Variants in HTR7 observed in about 807,000 individuals in gnomAD.
HTR7 encodes 5-hydroxytryptamine receptor 7.
A neutral mutation model predicts 34.0 loss-of-function variants in HTR7; 16 were observed. The ratio of observed to expected loss-of-function variants is 0.47; its 90% CI spans 0.32 to 0.71. HTR7 has a LOEUF of 0.71. Ranked by LOEUF, HTR7 falls within the 30% of genes least tolerant of loss-of-function variation. The pLI is 0.04. For missense variants in HTR7, 504 were observed against 625.5 expected, an observed-to-expected ratio of 0.81 and a Z score of 2.07; for synonymous variants, 265 against 260.2, an observed-to-expected ratio of 1.02 and a Z score of -0.18.
chr10:90,857,732 G>T lies in HTR7; in HGVS notation c.-61C>A. On this transcript the variant is annotated 5_prime_UTR_variant, in exon 1 of 4. Coordinates refer to ENST00000336152, the MANE Select transcript of HTR7 (RefSeq NM_019859.4). The surrounding 1 kb of genome is among the most constrained non-coding windows in gnomAD (Gnocchi z 6.5). ...CCCCGGCCACGCGCCTCCGGCTGCC[G>T]GCCCCGGGGCTTCACCTCACCGGTT... The T allele has an allele frequency of 3.6e-6, 5 of 1,396,400 alleles. No individual in the cohort carries two copies. In the South Asian group the frequency reaches 4.7e-5, roughly 13 times the overall value. The allele number at this position is 1,396,400 out of a possible 1,614,324, so 86.5% of individuals were successfully genotyped here.
rs561624340 is a variant in HTR7 at position 90,832,166 on chromosome 10, C to T, written c.539+24967G>A. ...GTGGAGCTGTCTGCAAGTCCCACGC[C>T]ATGCGGGTGCACTCCTCAGCCCTTG... On this transcript the variant is annotated intron_variant, in intron 1 of 3. Transcript: ENST00000336152. 3.5e-3 allele frequency among the ~76,000 whole-genome samples: 531 copies of T among 152,350 alleles called. 2 individuals are homozygous for T. The highest frequency in any genetic ancestry group is 5.7e-3 in the Non-Finnish European group (386 of 68,034).
chr10:90,748,484 C>G lies in HTR7; in HGVS notation c.1295+355G>C, dbSNP rs192550387. Reference sequence around the variant, plus strand: ...AGGTTATCAAAAAAGCTTTACTGGACAGAAGAATAATAACAACTAAAATAA... The same window carrying G: ...AGGTTATCAAAAAAGCTTTACTGGAGAGAAGAATAATAACAACTAAAATAA... On this transcript the variant is annotated intron_variant, in intron 2 of 3. Coordinates refer to ENST00000336152, the MANE Select transcript of HTR7 (RefSeq NM_019859.4). 9.5e-4 allele frequency among the ~76,000 whole-genome samples: 145 copies of G among 152,254 alleles called. 1 individual carries two copies. Among genetic ancestry groups the G allele is most frequent in the Middle Eastern group, 3.4e-3 (1 of 294 alleles).
intron 1 of HTR7, among the ~76,000 whole-genome samples, chr10:90,798,935 A>G (rs1845581746): frequency 6.6e-6 from 1 of 152,198 alleles, no homozygotes; most frequent in Non-Finnish European, 1.5e-5. Flanking sequence ...AGAGCTAACA[A>G]ATTAGTCAAA....
chr10:90,793,072 A>G (rs1195632823), intron 1 of HTR7, among the ~76,000 whole-genome samples: 1 of 152,208 alleles, frequency 6.6e-6, no homozygotes, highest in Non-Finnish European at 1.5e-5. Context: ...GAACTTTAAA[A>G]CATCTGTGAA....
At chr10:90,814,384 T>A (rs1319083379) in intron 1 of HTR7, among the ~76,000 whole-genome samples, 1 of 152,232 alleles carries the variant, frequency 6.6e-6, no homozygotes, top group African/African-American at 2.4e-5. Context: ...ATGGGCACCC[T>A]ATGTAATGCT....
intron 1 of HTR7, among the ~76,000 whole-genome samples, chr10:90,793,159 GA>G (rs1318342468): frequency 3.9e-5 from 6 of 151,998 alleles, no homozygotes; most frequent in African/African-American, 1.4e-4. Context: ...TTATTCAATA[GA>G]ATTAATATCC....
chr10:90,774,483 G>A (rs556859184), intron 1 of HTR7, among the ~76,000 whole-genome samples: 1 of 152,242 alleles, frequency 6.6e-6, no homozygotes, highest in Non-Finnish European at 1.5e-5. Context: ...TTATCTGACA[G>A]GTTTATAATT....
At chr10:90,785,874 C>A (rs191230467) in intron 1 of HTR7, among the ~76,000 whole-genome samples, 1 of 152,182 alleles carries the variant, frequency 6.6e-6, no homozygotes, top group East Asian at 1.9e-4. Context: ...GGCCTTGACG[C>A]CCCTTCTTGG....
intron 1 of HTR7, among the ~76,000 whole-genome samples, chr10:90,786,541 A>T (rs1845383365): frequency 1.3e-5 from 2 of 152,220 alleles, no homozygotes; most frequent in African/African-American, 4.8e-5. Context: ...AGAGTAAGAA[A>T]ACCTGACAGA....
At chr10:90,833,416 T>C (rs1401182126) in intron 1 of HTR7, among the ~76,000 whole-genome samples, 1 of 152,228 alleles carries the variant, frequency 6.6e-6, no homozygotes, top group East Asian at 1.9e-4. Context: ...TTCCAGGTTC[T>C]GACTCTGGGT....
chr10:90,770,915 TGTG>T (rs1273587096), intron 1 of HTR7, among the ~76,000 whole-genome samples: 3 of 152,310 alleles, frequency 2.0e-5, no homozygotes, highest in Admixed American at 1.3e-4. Context: ...GATGGGAACT[TGTG>T]GTGCCTTTTT....
At chr10:90,829,521 G>A (rs1431333267) in intron 1 of HTR7, among the ~76,000 whole-genome samples, 1 of 151,346 alleles carries the variant, frequency 6.6e-6, no homozygotes, top group Non-Finnish European at 1.5e-5. Context: ...CCCTCCCCTA[G>A]CCCCCCACCC....
chr10:90,804,537 C>T (rs1845674357), intron 1 of HTR7, among the ~76,000 whole-genome samples: 1 of 152,164 alleles, frequency 6.6e-6, no homozygotes, highest in African/African-American at 2.4e-5. Context: ...CCTGCATGCT[C>T]CCCCTCCCAC....
At chr10:90,814,669 A>G (rs927560685) in intron 1 of HTR7, among the ~76,000 whole-genome samples, 4 of 152,234 alleles carry the variant, frequency 2.6e-5, no homozygotes, top group African/African-American at 9.6e-5. Context: ...CCATCAGGGT[A>G]GTAGAAGTCT....
intron 1 of HTR7, among the ~76,000 whole-genome samples, chr10:90,780,276 C>G (rs920332847): frequency 6.6e-6 from 1 of 151,902 alleles, no homozygotes; most frequent in Non-Finnish European, 1.5e-5. Context: ...TGGCTCATGC[C>G]TGTAATCCCA....
intron 1 of HTR7, among the ~76,000 whole-genome samples, chr10:90,834,854 T>A (rs1846230104): frequency 6.6e-6 from 1 of 152,070 alleles, no homozygotes; most frequent in Non-Finnish European, 1.5e-5. Context: ...TAGGAAGGGG[T>A]GCAAAGTCAC....
intron 1 of HTR7, among the ~76,000 whole-genome samples, chr10:90,770,333 C>T (rs906138398): frequency 4.6e-5 from 7 of 152,130 alleles, no homozygotes; most frequent in African/African-American, 9.7e-5. Flanking sequence ...CAGTTGGGCA[C>T]GGAGGGGCAG....
chr10:90,759,187 CAA>C (rs35551588), intron 1 of HTR7, among the ~76,000 whole-genome samples: 2,914 of 119,526 alleles, frequency 0.024, 57 homozygotes, highest in African/African-American at 0.065. Context: ...AACTCTGTCT[CAA>C]AAAAAAAAAA....
intron 3 of HTR7, 37 bp downstream of exon 3, chr10:90,743,556 G>T: frequency 6.7e-7 from 1 of 1,487,842 alleles, no homozygotes. Flanking sequence ...CCAGACCACA[G>T]CACTATCTCC....
Sources: allele counts gnomAD v4.1 joint callset (sites outside exome capture counted in the v4.1 genomes callset), GRCh38; gene constraint gnomAD v4.1.1; non-coding constraint Gnocchi (gnomAD v3.1); transcripts MANE v1.5; gene names NCBI Gene and HGNC (gene_info 2026-07-23, HGNC 2026-07-21).